TFCP2L1: variants seen among roughly 807,000 people sequenced by gnomAD.
TFCP2L1 encodes transcription factor CP2-like protein 1.
In TFCP2L1, 12 loss-of-function variants were observed where a neutral mutation model predicts 72.2. The observed-to-expected ratio is 0.17, with a 90% CI of 0.11 to 0.27. The LOEUF (loss-of-function observed/expected upper bound fraction) is 0.27. TFCP2L1 is among the 10% of genes least tolerant of loss of function. TFCP2L1 has a pLI of 1.00. For synonymous variants in TFCP2L1, 260 were observed against 251.0 expected, an observed-to-expected ratio of 1.04 and a Z score of -0.34; for missense variants, 488 against 624.6, an observed-to-expected ratio of 0.78 and a Z score of 2.33.
chr2:121,280,752 A>G (rs950020346), intron 2 of TFCP2L1, among the ~76,000 whole-genome samples: 6 of 144,408 alleles, frequency 4.2e-5, no homozygotes, highest in Non-Finnish European at 9.1e-5. Flanking sequence ...CAACAGAACA[A>G]GACCCCCTCA....
chr2:121,276,031 C>A (rs1330430890), intron 2 of TFCP2L1, among the ~76,000 whole-genome samples: 3 of 152,196 alleles, frequency 2.0e-5, no homozygotes, highest in African/African-American at 4.8e-5. Context: ...CAGCACAGGA[C>A]AAGTCTGTAT....
chr2:121,253,905 C>A (rs1226166871), intron 2 of TFCP2L1, among the ~76,000 whole-genome samples: 2 of 152,176 alleles, frequency 1.3e-5, no homozygotes, highest in Non-Finnish European at 2.9e-5. Flanking sequence ...ACACAGTGGG[C>A]CCAAGGTGAC....
Position 121,234,116 on chromosome 2 carries a change from G to A in TFCP2L1, c.1173C>T (p.Asp391=), listed in dbSNP as rs140466557. 166 of 1,613,848 alleles carry A rather than the reference G, an allele frequency of 1.0e-4. No individual in the cohort carries two copies. The African/African-American group carries it at 1.1e-3, about 10-fold the overall frequency. Residue 391 remains aspartate (D), a synonymous_variant, in exon 12 of 15, where the codon GAC becomes GAT. Transcript: ENST00000263707. ...QNRVPLQQKR[D]GSGDSNLSVY... ...CAGACAGGTTGCTGTCTCCACTGCC[G>A]TCCCGCTTCTGCTGCAGGGGCACTC...
intron 2 of TFCP2L1, among the ~76,000 whole-genome samples, chr2:121,255,745 A>ATTTT (rs67001640): frequency 1.4e-5 from 2 of 141,510 alleles, no homozygotes; most frequent in Non-Finnish European, 3.1e-5. Context: ...CCCTGAACTT[A>ATTTT]TTTTTTTTTT....
chr2:121,225,948 C>T (rs183453233), intron 13 of TFCP2L1, among the ~76,000 whole-genome samples: 111 of 146,032 alleles, frequency 7.6e-4, no homozygotes, highest in Non-Finnish European at 7.0e-4. Context: ...TGTCTACACA[C>T]ACGGGAACAC....
At position 121,223,380 on chromosome 2, in the gene TFCP2L1, C is replaced by G. The variant is rs553531957; in HGVS notation, c.*961G>C. 5 of 152,278 alleles carry G rather than the reference C, an allele frequency of 3.3e-5. No homozygotes were observed. The highest frequency in any genetic ancestry group is 6.5e-5 in the Admixed American group (1 of 15,292). The allele number at this position is 152,278 out of a possible 1,614,324, so 9.4% of individuals were successfully genotyped here. A position where few individuals can be genotyped will look rare whatever the true frequency, so the allele number is the denominator to read the frequency against. On this transcript the variant is annotated 3_prime_UTR_variant, in exon 15 of 15. Coordinates refer to ENST00000263707, the MANE Select transcript of TFCP2L1 (RefSeq NM_014553.3). ...CAAAGATAAACATGTAAGTGAGGGG[C>G]ACTCAGAGAAAACACATCGCTCCTG... is the stretch of plus-strand genomic sequence containing the variant.
chr2:121,230,554 G>A (rs1188236899), intron 13 of TFCP2L1, among the ~76,000 whole-genome samples: 1 of 152,184 alleles, frequency 6.6e-6, no homozygotes, highest in African/African-American at 2.4e-5. Context: ...GCCAAGGTGG[G>A]TGGATCACTT....
chr2:121,274,094 C>CAAAAA (rs569943932), intron 2 of TFCP2L1, among the ~76,000 whole-genome samples: 1 of 60,800 alleles, frequency 1.6e-5, no homozygotes. Context: ...ACTCTGTCTC[C>CAAAAA]AAAAAAAAAA....
rs36110149 is a variant in TFCP2L1, at chr2:121,221,958, TA to T, written c.*2382del. The T allele has an allele frequency of 0.72, 108,556 of 150,120 alleles. 40,544 individuals are homozygous for T. The highest frequency in any genetic ancestry group is 0.84 in the South Asian group (3,979 of 4,744). The allele number at this position is 150,120 out of a possible 1,614,324, so 9.3% of individuals were successfully genotyped here. On this transcript the variant is annotated 3_prime_UTR_variant, in exon 15 of 15. Coordinates refer to ENST00000263707, the MANE Select transcript of TFCP2L1 (RefSeq NM_014553.3). ...CTAGTGGTTAGGAAAACAGAAAACT[TA>T]AAAAAAAAAAGACAACTCAATTAAA...
intron 1 of TFCP2L1, 23 bp downstream of exon 1, chr2:121,285,025 C>A: frequency 6.8e-7 from 1 of 1,475,556 alleles, no homozygotes; most frequent in Non-Finnish European, 9.0e-7. Flanking sequence ...CCGAGACCCG[C>A]GGGGACCGCG....
At chr2:121,236,062 C>T (rs569693908) in intron 10 of TFCP2L1, among the ~76,000 whole-genome samples, 6 of 152,316 alleles carry the variant, frequency 3.9e-5, no homozygotes, top group South Asian at 2.1e-4. Context: ...TCATGTTTCA[C>T]GGTGCATTTG....
At chr2:121,263,937 A>G (rs1686879438) in intron 2 of TFCP2L1, among the ~76,000 whole-genome samples, 1 of 152,206 alleles carries the variant, frequency 6.6e-6, no homozygotes, top group African/African-American at 2.4e-5. Flanking sequence ...GCCAAAAAAT[A>G]AATTTTGAAA....
intron 12 of TFCP2L1, among the ~76,000 whole-genome samples, 189 bp from the exon 13 acceptor site, chr2:121,232,157 G>A (rs1275821944): frequency 1.4e-5 from 2 of 146,062 alleles, no homozygotes; most frequent in Non-Finnish European, 3.0e-5. Flanking sequence ...GTTTTGTTTT[G>A]TGATGGAGTC....
chr2:121,227,217 A>C (rs1686047216), intron 13 of TFCP2L1, among the ~76,000 whole-genome samples: 1 of 152,224 alleles, frequency 6.6e-6, no homozygotes, highest in Non-Finnish European at 1.5e-5. Context: ...CATACTAGCC[A>C]GTTGGCTGTT....
At chr2:121,282,319 T>TA (rs539101704) in intron 1 of TFCP2L1, among the ~76,000 whole-genome samples, 2,562 of 86,254 alleles carry the variant, frequency 0.03, 66 homozygotes, top group Non-Finnish European at 0.043. Flanking sequence ...CTCTCCACAT[T>TA]AAAAAAAAAA....
intron 6 of TFCP2L1, among the ~76,000 whole-genome samples, chr2:121,245,814 C>A (rs555603966): frequency 2.6e-5 from 4 of 152,304 alleles, no homozygotes; most frequent in Non-Finnish European, 5.9e-5. Context: ...TTTATTCCCA[C>A]ATCCGTTCCA....
chr2:121,281,942 G>T (rs555831086), intron 1 of TFCP2L1, among the ~76,000 whole-genome samples: 179 of 145,772 alleles, frequency 1.2e-3, no homozygotes, highest in African/African-American at 4.1e-3. Flanking sequence ...TTTGGGCGGG[G>T]GCGGGGGGGA....
intron 2 of TFCP2L1, among the ~76,000 whole-genome samples, chr2:121,272,185 T>C (rs1449889183): frequency 6.6e-6 from 1 of 152,146 alleles, no homozygotes; most frequent in African/African-American, 2.4e-5. Context: ...ACTTACATGA[T>C]ATAAGAGGGA....
rs895291066 is a variant in TFCP2L1 at position 121,265,486 on chromosome 2, C to CT, written c.214+15633dup. ...GTATGTGAATCATATCACAATAAAG[C>CT]TTTTTTTTTTTCTTTGAGACAGGGT... On this transcript the variant is annotated intron_variant, in intron 2 of 14. Coordinates refer to ENST00000263707, the MANE Select transcript of TFCP2L1 (RefSeq NM_014553.3). Among the ~76,000 whole-genome samples, 27 of 147,138 alleles carry CT rather than the reference C, an allele frequency of 1.8e-4. 1 individual carries two copies. Among genetic ancestry groups the CT allele is most frequent in the Admixed American group, 6.1e-4 (9 of 14,698 alleles).
Sources: gnomAD v4.1 joint callset for allele counts (sites outside exome capture counted in the v4.1 genomes callset) on GRCh38, gnomAD v4.1.1 for gene constraint, MANE v1.5 for transcripts, NCBI Gene and HGNC (gene_info 2026-07-23, HGNC 2026-07-21) for gene names.